KRT2: variants seen among roughly 807,000 people sequenced by gnomAD.
KRT2 encodes the protein keratin 2.
Under a neutral mutation model 48.5 loss-of-function variants are expected in KRT2, and 37 were observed. The ratio of observed to expected loss-of-function variants is 0.76; its 90% CI spans 0.59 to 1.00. The LOEUF is 1.00. KRT2 is among the 50% of genes least tolerant of loss of function. The probability of loss-of-function intolerance (pLI) is 0.00; values close to 1 mark genes in which losing one functional copy is unlikely to be tolerated. For synonymous variants in KRT2, 324 were observed against 312.2 expected (o/e 1.04, Z -0.40); for missense variants, 880 against 815.2 (o/e 1.08, Z -0.97).
chr12:52,648,031 C>A, intron 5 of KRT2, 142 bp downstream of exon 5: 1 of 1,209,130 alleles, frequency 8.3e-7, no homozygotes, highest in Non-Finnish European at 1.2e-6. Flanking sequence ...GACTTGGTGC[C>A]ATTCTCAACA....
intron 3 of KRT2, 74 bp from the exon 4 acceptor site, chr12:52,649,176 A>G (rs2120948711): frequency 2.2e-6 from 2 of 907,636 alleles, no homozygotes; most frequent in Non-Finnish European, 3.7e-6. Flanking sequence ...ACTCCCCTCT[A>G]CTCAGTCCCT....
At position 52,651,641 on chromosome 12, in the gene KRT2, C is replaced by G; in HGVS notation, c.502G>C (p.Asp168His). 2 of 1,614,118 alleles carry G rather than the reference C, an allele frequency of 1.2e-6. No individual in the cohort carries two copies. Among genetic ancestry groups the G allele is most frequent in the Non-Finnish European group, 1.7e-6 (2 of 1,180,024 alleles). ...GCCTTCACATTCTGGATCTCTGGGT[C>G]AACTTTCACGTTGAGAGGCTGCAGG... Reference protein sequence around the residue: ...SLLQPLNVKVDPEIQNVKAQE... With the variant: ...SLLQPLNVKVHPEIQNVKAQE... Residue 168 changes from aspartate to histidine, a missense_variant, in exon 1 of 9, where the codon GAC becomes CAC. Transcript: ENST00000309680.
chr12:52,649,828 G>A (rs1264160094), intron 3 of KRT2, 86 bp downstream of exon 3: 2 of 1,030,496 alleles, frequency 1.9e-6, no homozygotes, highest in East Asian at 2.4e-5. Context: ...TGCACTCACA[G>A]TTGATTTCCA....
rs776249466 is a variant in KRT2, at chr12:52,650,465, A to G, written c.674T>C (p.Leu225Pro). ...QMNVGTRPINLEPIFQGYIDS... is the reference protein window; with the variant it reads ...QMNVGTRPINPEPIFQGYIDS... The stretch of plus-strand genomic sequence containing the variant: ...GATATACCCCTGGAAGATGGGCTCC[A>G]GGTTGATGGGGCGGGTGCCAACATT... Residue 225 changes from leucine (L) to proline (P), a missense_variant, in exon 2 of 9, where the codon CTG becomes CCG. Physicochemically the swap from Leu to Pro is moderately conservative, Grantham distance 98. Transcript: ENST00000309680. The G allele has an allele frequency of 1.9e-6, 3 of 1,614,114 alleles. No individual in the cohort carries two copies. Among genetic ancestry groups the G allele is most frequent in the Middle Eastern group, 3.4e-4 (2 of 5,958 alleles).
At position 52,647,866 on chromosome 12, in the gene KRT2, G is replaced by T; in HGVS notation, c.1123-11C>A. The T allele has an allele frequency of 1.2e-6, 2 of 1,614,118 alleles. No homozygotes were observed. The highest frequency in any genetic ancestry group is 2.2e-5 in the East Asian group (1 of 44,866). On this transcript the variant is annotated splice_polypyrimidine_tract_variant and intron_variant, in intron 5 of 8. Transcript: ENST00000309680. ...CTGGAGCTCCTCATACTGATATGGG[G>T]AGAAGAGGACAGTTTGCAAGGAAGT...
At chr12:52,650,030 T>G (rs1202817110) in intron 2 of KRT2, 56 bp from the exon 3 acceptor site, 17 of 1,316,256 alleles carry the variant, frequency 1.3e-5, no homozygotes, top group Non-Finnish European at 1.9e-5. Flanking sequence ...TTTTTTTTCT[T>G]TTCCTTTTAT....
chr12:52,645,561 C>G lies in KRT2; in HGVS notation c.1478G>C (p.Gly493Ala). 1 of 1,614,180 alleles carries G rather than the reference C, an allele frequency of 6.2e-7. No homozygotes were observed. The highest frequency in any genetic ancestry group is 8.5e-7 in the Non-Finnish European group (1 of 1,180,012). ...CACAGTCACATTGCTGCTGAGGTCT[C>G]CAGACATCCTGTAAGGGAGAGAGAA... is the stretch of plus-strand genomic sequence containing the variant. ...LLEGEECRMS[G>A]DLSSNVTVSV... is the part of the protein sequence containing the mutation. The change falls in exon 8 of 9, where the codon GGA becomes GCA. Residue 493 changes from glycine to alanine, a missense_variant. Transcript: ENST00000309680.
rs757421624 is a variant in KRT2 at position 52,645,434 on chromosome 12, G to A, written c.1505C>T (p.Ser502Phe). 1 of 1,614,196 alleles carries A rather than the reference G, an allele frequency of 6.2e-7. No individual in the cohort carries two copies. Among genetic ancestry groups the A allele is most frequent in the South Asian group, 1.1e-5 (1 of 91,080 alleles). Residue 502 changes from serine (S) to phenylalanine (F), a missense_variant and splice_region_variant, in exon 9 of 9, where the codon TCT (serine) becomes TTT (phenylalanine). Ser to Phe is a radical substitution (Grantham distance 155). Transcript: ENST00000309680. ...TGATGAAATGGTGCTGCTTGTCACA[G>A]CTGCAGAGAGAGGTGGTGTTACCAC... ...SGDLSSNVTV[S>F]VTSSTISSNV...
At position 52,650,677 on chromosome 12, in the gene KRT2, G is replaced by A. The variant is rs137962248; in HGVS notation, c.586-124C>T. The A allele has an allele frequency of 5.1e-4, 406 of 790,458 alleles. 2 individuals are homozygous for A. Among genetic ancestry groups the A allele is most frequent in the South Asian group, 4.0e-3 (282 of 70,376 alleles). The allele number at this position is 790,458 out of a possible 1,614,324, so 49.0% of individuals were successfully genotyped here. A position where few individuals can be genotyped will look rare whatever the true frequency, so the allele number is the denominator to read the frequency against. ...CGAGAAGTGTCTGAGGCTGGATGCC[G>A]AGTCATGACTGGCAGAGCTTCTGAG... On this transcript the variant is annotated intron_variant, in intron 1 of 8. Coordinates refer to ENST00000309680, the MANE Select transcript of KRT2 (RefSeq NM_000423.3).
Position 52,645,439 on chromosome 12 carries a change from A to G in KRT2, c.1505-5T>C, listed in dbSNP as rs1207978193. ...AAATGGTGCTGCTTGTCACAGCTGC[A>G]GAGAGAGGTGGTGTTACCACAGAGA... On this transcript the variant is annotated splice_region_variant and splice_polypyrimidine_tract_variant and intron_variant, in intron 8 of 8. Transcript: ENST00000309680. 1.2e-5 allele frequency: 19 copies of G among 1,614,086 alleles called. No homozygotes were observed. The highest frequency in any genetic ancestry group is 1.5e-5 in the Non-Finnish European group (18 of 1,180,048).
chr12:52,647,934 G>C (rs1383077223), intron 5 of KRT2, 79 bp from the exon 6 acceptor site: 2 of 1,579,682 alleles, frequency 1.3e-6, no homozygotes, highest in African/African-American at 2.7e-5. Context: ...GTGAAGGAGA[G>C]CTGGTTACTG....
chr12:52,651,687 T>A lies in KRT2; in HGVS notation c.456A>T (p.Glu152Asp). 6.2e-7 allele frequency: 1 copy of A among 1,614,010 alleles called. No individual in the cohort carries two copies. Among genetic ancestry groups the A allele is most frequent in the South Asian group, 1.1e-5 (1 of 91,062 alleles). The change falls in exon 1 of 9, where the codon GAA (glutamate) becomes GAT (aspartate). Residue 152 changes from glutamate to aspartate, a missense_variant. By Grantham distance (45) the Glu-to-Asp change is conservative. Transcript: ENST00000309680. Reference protein sequence around the residue: ...GPGGYPGGIHEVSVNQSLLQP... With the variant: ...GPGGYPGGIHDVSVNQSLLQP... ...GCAGGAGGCTCTGGTTGACAGAGAC[T>A]TCGTGGATGCCACCAGGGTATCCTC...
chr12:52,650,491 C>A lies in KRT2; in HGVS notation c.648G>T (p.Met216Ile). The A allele has an allele frequency of 6.2e-7, 1 of 1,613,700 alleles. No homozygotes were observed. The highest frequency in any genetic ancestry group is 8.5e-7 in the Non-Finnish European group (1 of 1,180,044). ...GGTTGATGGGGCGGGTGCCAACATT[C>A]ATTTGTTGTAGCAGCTCCCATTTGG... is the stretch of plus-strand genomic sequence containing the variant. ...LQTKWELLQQ[M>I]NVGTRPINLE... is the part of the protein sequence containing the mutation. The change falls in exon 2 of 9, where the codon ATG (methionine) becomes ATT (isoleucine). Residue 216 changes from methionine (M) to isoleucine (I), a missense_variant. Met to Ile is a conservative substitution (Grantham distance 10). Coordinates refer to ENST00000309680, the MANE Select transcript of KRT2 (RefSeq NM_000423.3).
At chr12:52,651,448 C>A (rs569469858) in intron 1 of KRT2, 110 bp downstream of exon 1, 4 of 879,274 alleles carry the variant, frequency 4.5e-6, no homozygotes, top group Admixed American at 1.8e-5. Context: ...CAGGCTACTG[C>A]GGTACACCAC....
Position 52,648,987 on chromosome 12 carries a change from TC to T in KRT2, c.957+19del. 1 of 1,461,580 alleles carries T rather than the reference TC, an allele frequency of 6.8e-7. No individual in the cohort carries two copies. Among genetic ancestry groups the T allele is most frequent in the Non-Finnish European group, 9.6e-7 (1 of 1,041,014 alleles). 90.5% of individuals were successfully genotyped at this position (1,461,580 alleles called of 1,614,324 possible). A position where few individuals can be genotyped will look rare whatever the true frequency, so the allele number is the denominator to read the frequency against. ...GAGAAGGGTGGGAAGTAAGGGACTG[TC>T]CCGGAGCAGCCTCCTTACCGCATCA... On this transcript the variant is annotated intron_variant, in intron 4 of 8. Transcript: ENST00000309680.
intron 7 of KRT2, 115 bp from the exon 8 acceptor site, chr12:52,645,684 G>T: frequency 4.0e-6 from 4 of 1,004,084 alleles, no homozygotes; most frequent in East Asian, 4.9e-5. Flanking sequence ...CAGCCACCAG[G>T]GCTTACACAC....
At position 52,651,990 on chromosome 12, in the gene KRT2, CCCGCCACCA is replaced by C. The variant is rs1199012546; in HGVS notation, c.144_152del (p.Gly50_Gly52del). 6.2e-7 allele frequency: 1 copy of C among 1,605,870 alleles called. No individual in the cohort carries two copies. The highest frequency in any genetic ancestry group is 8.5e-7 in the Non-Finnish European group (1 of 1,173,786). ...TGCCAAAGCCGCCTCCACCGAAGCCCCCGCCACCACCACCATGGCGGCTCAAGCAGGAGA... is the reference window on the plus strand; with the variant it reads ...TGCCAAAGCCGCCTCCACCGAAGCCCCCACCATGGCGGCTCAAGCAGGAGA... On this transcript the variant is annotated inframe_deletion, in exon 1 of 9. Coordinates refer to ENST00000309680, the MANE Select transcript of KRT2 (RefSeq NM_000423.3).
chr12:52,649,344 C>A (rs1941215169), intron 3 of KRT2, among the ~76,000 whole-genome samples: 3 of 152,204 alleles, frequency 2.0e-5, no homozygotes, highest in Admixed American at 2.0e-4. Flanking sequence ...GATGACCAAG[C>A]TTTGCCAACC....
At chr12:52,647,977 G>GGCT in intron 5 of KRT2, 122 bp from the exon 6 acceptor site, 1 of 1,343,064 alleles carries the variant, frequency 7.4e-7, no homozygotes, top group East Asian at 2.3e-5. Context: ...TAAATGTCAT[G>GGCT]GCTGCATTCA....
Sources: allele counts gnomAD v4.1 joint callset (sites outside exome capture counted in the v4.1 genomes callset), GRCh38; gene constraint gnomAD v4.1.1; transcripts MANE v1.5; gene names NCBI Gene and HGNC (gene_info 2026-07-23, HGNC 2026-07-21).